The following ALK variants were observed in gnomAD, a reference collection of about 807,000 sequenced individuals.
ALK encodes ALK receptor tyrosine kinase.
A neutral mutation model predicts 163.1 loss-of-function variants in ALK; 74 were observed. That is an observed-to-expected ratio of 0.45 (90% CI 0.38 to 0.55). ALK has a LOEUF of 0.55. Ranked by LOEUF, ALK falls within the 20% of genes least tolerant of loss-of-function variation. ALK has a pLI of 0.00. For missense variants in ALK, 2,063 were observed against 2,105.3 expected (o/e 0.98, Z 0.39); for synonymous variants, 960 against 843.2 (o/e 1.14, Z -2.40).
chr2:29,497,641 T>C (rs1672064157), intron 4 of ALK, among the ~76,000 whole-genome samples: 1 of 152,218 alleles, frequency 6.6e-6, no homozygotes, highest in South Asian at 2.1e-4. Flanking sequence ...CTTTTGTGTG[T>C]CCAGGCGCTG....
intron 1 of ALK, among the ~76,000 whole-genome samples, chr2:29,814,149 A>T (rs1000389817): frequency 6.6e-6 from 1 of 152,186 alleles, no homozygotes; most frequent in Admixed American, 6.5e-5. Flanking sequence ...TGCAAATGTT[A>T]ACAGCAACCC....
intron 4 of ALK, among the ~76,000 whole-genome samples, chr2:29,422,354 A>G (rs1245579557): frequency 6.6e-6 from 1 of 150,900 alleles, no homozygotes; most frequent in East Asian, 1.9e-4. Context: ...TGAATGACTG[A>G]CTACATGTAC....
chr2:29,773,762 T>A (rs1022687999), intron 1 of ALK, among the ~76,000 whole-genome samples: 8 of 152,162 alleles, frequency 5.3e-5, no homozygotes, highest in African/African-American at 1.9e-4. Flanking sequence ...ATTCTATTCT[T>A]TTTAAAACGC....
chr2:29,730,685 A>C (rs1679716901), intron 1 of ALK, among the ~76,000 whole-genome samples: 1 of 152,220 alleles, frequency 6.6e-6, no homozygotes, highest in Non-Finnish European at 1.5e-5. Context: ...ACACAGAGAA[A>C]ATAATATTTA....
At chr2:29,459,662 G>A (rs1448639539) in intron 4 of ALK, among the ~76,000 whole-genome samples, 1 of 151,726 alleles carries the variant, frequency 6.6e-6, no homozygotes, top group Non-Finnish European at 1.5e-5. Context: ...TTTCTTCCTG[G>A]AACTTATAAA....
At chr2:29,673,036 C>G (rs1213669432) in intron 3 of ALK, among the ~76,000 whole-genome samples, 1 of 126,218 alleles carries the variant, frequency 7.9e-6, no homozygotes, top group Non-Finnish European at 1.6e-5. Flanking sequence ...TTGTTTTTTT[C>G]TTGTAAATTT....
At chr2:29,905,706 T>C (rs2148433902) in intron 1 of ALK, among the ~76,000 whole-genome samples, 1 of 152,090 alleles carries the variant, frequency 6.6e-6, no homozygotes, top group East Asian at 1.9e-4. Flanking sequence ...AGTGAAGCAT[T>C]CTATTTAGTA....
intron 3 of ALK, among the ~76,000 whole-genome samples, chr2:29,558,506 C>T (rs528096422): frequency 1.1e-3 from 163 of 152,212 alleles, no homozygotes; most frequent in African/African-American, 3.7e-3. Flanking sequence ...TACCTGAGGA[C>T]GACATTCTTC....
intron 4 of ALK, among the ~76,000 whole-genome samples, chr2:29,459,576 T>A (rs1396619284): frequency 6.6e-6 from 1 of 151,998 alleles, no homozygotes; most frequent in Non-Finnish European, 1.5e-5. Context: ...TTTTTTTTTT[T>A]AAGTGTGCTG....
chr2:29,575,399 C>CAGGAGACCA (rs1674496179), intron 3 of ALK, among the ~76,000 whole-genome samples: 1 of 152,164 alleles, frequency 6.6e-6, no homozygotes, highest in Admixed American at 6.5e-5. Context: ...GCAGCTGAGG[C>CAGGAGACCA]AGGAGACCAA....
chr2:29,705,240 A>AATATATATATATATATATATATAT (rs1172702963), intron 2 of ALK, among the ~76,000 whole-genome samples: 2 of 47,122 alleles, frequency 4.2e-5, no homozygotes, highest in Non-Finnish European at 9.1e-5. Context: ...AAAGAAAAGA[A>AATATATATATATATATATATATAT]ATATATATAT....
chr2:29,273,481 T>A (rs1458179850), intron 11 of ALK, among the ~76,000 whole-genome samples: 2 of 152,204 alleles, frequency 1.3e-5, no homozygotes, highest in Non-Finnish European at 2.9e-5. Context: ...TTAGTCTGAG[T>A]GGCCATTGGG....
At chr2:29,603,492 G>C (rs1309058199) in intron 3 of ALK, among the ~76,000 whole-genome samples, 1 of 152,156 alleles carries the variant, frequency 6.6e-6, no homozygotes, top group Non-Finnish European at 1.5e-5. Flanking sequence ...TCAGGTCTCT[G>C]TTTTCATGTT....
chr2:29,744,507 C>T (rs747831076), intron 1 of ALK, among the ~76,000 whole-genome samples: 10 of 152,100 alleles, frequency 6.6e-5, no homozygotes, highest in Non-Finnish European at 1.2e-4. Context: ...CATTCAAAGG[C>T]TGGGGGCTGG....
At chr2:29,260,290 A>G (rs1665053708) in intron 11 of ALK, among the ~76,000 whole-genome samples, 1 of 152,178 alleles carries the variant, frequency 6.6e-6, no homozygotes, top group Admixed American at 6.5e-5. Context: ...AGCTCATTTT[A>G]AAACAGAAGG....
chr2:29,830,955 AAAGAAG>A (rs1161936241), intron 1 of ALK, among the ~76,000 whole-genome samples: 3,104 of 27,698 alleles, frequency 0.11, 393 homozygotes, highest in East Asian at 0.18. Flanking sequence ...AAGAAGAAGA[AAAGAAG>A]AAGAAGAAGA....
At chr2:29,708,389 A>C (rs745786120) in intron 2 of ALK, among the ~76,000 whole-genome samples, 7 of 152,160 alleles carry the variant, frequency 4.6e-5, no homozygotes, top group Non-Finnish European at 1.0e-4. Flanking sequence ...TTAAACAGGC[A>C]ATGCAGAGGT....
chr2:29,611,305 T>C (rs115458307), intron 3 of ALK, among the ~76,000 whole-genome samples: 6 of 152,116 alleles, frequency 3.9e-5, no homozygotes, highest in South Asian at 4.1e-4. Context: ...TTAAGGTAAG[T>C]GGGCAGAACC....
At chr2:29,196,149 GTTTGACTTGGA>G (rs1476115027) in intron 28 of ALK, among the ~76,000 whole-genome samples, 3 of 152,208 alleles carry the variant, frequency 2.0e-5, no homozygotes, top group Non-Finnish European at 4.4e-5. Context: ...CTAGAAGAAT[GTTTGACTTGGA>G]CAGACTCTTC....
Sources: allele counts gnomAD v4.1 joint callset (sites outside exome capture counted in the v4.1 genomes callset), GRCh38; gene constraint gnomAD v4.1.1; transcripts MANE v1.5; gene names NCBI Gene and HGNC (gene_info 2026-07-23, HGNC 2026-07-21).